The following SOX5 variants were observed in gnomAD, a reference collection of about 807,000 sequenced individuals.
SOX5 encodes SRY-box transcription factor 5, also known as transcription factor SOX-5.
Under a neutral mutation model 92.0 loss-of-function variants are expected in SOX5, and 9 were observed. The observed-to-expected ratio is 0.10, with a 90% CI of 0.06 to 0.17. The LOEUF is 0.17. Ranked by LOEUF, SOX5 falls within the 10% of genes least tolerant of loss-of-function variation. SOX5 has a pLI of 1.00. For missense variants in SOX5, 642 were observed against 944.5 expected (o/e 0.68, Z 4.20); for synonymous variants, 344 against 336.3 (o/e 1.02, Z -0.25).
intron 4 of SOX5, among the ~76,000 whole-genome samples, chr12:23,967,820 G>T: frequency 6.6e-6 from 1 of 152,044 alleles, no homozygotes; most frequent in East Asian, 1.9e-4. Flanking sequence ...TTCTGGCTTT[G>T]GTGTTCCTAA....
intron 2 of SOX5, among the ~76,000 whole-genome samples, chr12:24,288,616 C>A (rs548941855): frequency 5.9e-5 from 9 of 152,048 alleles, no homozygotes; most frequent in Non-Finnish European, 1.2e-4. Flanking sequence ...TAAAGCGATG[C>A]AAATGGAGAA....
intron 4 of SOX5, among the ~76,000 whole-genome samples, chr12:24,013,488 C>T (rs1195145267): frequency 6.6e-6 from 1 of 152,108 alleles, no homozygotes; most frequent in African/African-American, 2.4e-5. Context: ...TTAATCTGTG[C>T]CATTGCCAAG....
chr12:23,872,401 C>A lies in SOX5; in HGVS notation c.270+23392G>T, dbSNP rs540370947. Among the ~76,000 whole-genome samples the A allele has an allele frequency of 9.9e-5, 15 of 151,968 alleles. No individual in the cohort carries two copies. In the East Asian group the frequency reaches 2.1e-3, roughly 22 times the overall value. On this transcript the variant is annotated intron_variant, in intron 2 of 14. Coordinates refer to ENST00000451604, the MANE Select transcript of SOX5 (RefSeq NM_006940.6). ...GACTAACAATTCTACGAGCTTTCAC[C>A]ATCAATACTCAAAAATACAAGCACA...
At chr12:23,797,300 G>A (rs1321297798) in intron 3 of SOX5, among the ~76,000 whole-genome samples, 1 of 151,956 alleles carries the variant, frequency 6.6e-6, no homozygotes, top group Non-Finnish European at 1.5e-5. Flanking sequence ...TCAAATACCT[G>A]CTTTAAATGT....
intron 3 of SOX5, among the ~76,000 whole-genome samples, chr12:24,215,049 A>T (rs1959058040): frequency 6.6e-6 from 1 of 152,092 alleles, no homozygotes; most frequent in Non-Finnish European, 1.5e-5. Flanking sequence ...ACAAAATCCA[A>T]CACCCTGCTT....
chr12:24,314,209 T>C (rs1013464457), intron 2 of SOX5, among the ~76,000 whole-genome samples: 1 of 152,140 alleles, frequency 6.6e-6, no homozygotes, highest in African/African-American at 2.4e-5. Context: ...TTTTAAATGA[T>C]AACAGTTCTT....
intron 4 of SOX5, among the ~76,000 whole-genome samples, chr12:24,098,684 A>C (rs1945720166): frequency 6.6e-6 from 1 of 152,152 alleles, no homozygotes; most frequent in African/African-American, 2.4e-5. Flanking sequence ...AAATGTGTAT[A>C]GTTTCTTTGC....
At chr12:23,633,312 G>A (rs925005946) in intron 8 of SOX5, among the ~76,000 whole-genome samples, 10 of 151,956 alleles carry the variant, frequency 6.6e-5, no homozygotes, top group South Asian at 4.1e-4. Flanking sequence ...AAATTATAAC[G>A]AAAATGAATA....
intron 1 of SOX5, among the ~76,000 whole-genome samples, chr12:24,375,174 C>T (rs1458553859): frequency 4.0e-5 from 6 of 151,566 alleles, no homozygotes; most frequent in African/African-American, 1.2e-4. Flanking sequence ...GGGGTTTCAC[C>T]GTGTTAGCCA....
rs575388113 is a variant in SOX5 at position 24,136,840 on chromosome 12, T to C, written c.-2+76503A>G. On this transcript the variant is annotated intron_variant, in intron 4 of 4. Transcript: ENST00000446891. ...TTGTTTTTGCTTTTGTTTCTAAATATGTATGCTATCTGTTGTATTCAGACT... is the reference window on the plus strand; with the variant it reads ...TTGTTTTTGCTTTTGTTTCTAAATACGTATGCTATCTGTTGTATTCAGACT... 5.3e-5 allele frequency among the ~76,000 whole-genome samples: 8 copies of C among 152,362 alleles called. No homozygotes were observed. In the South Asian group the frequency reaches 1.7e-3, roughly 32 times the overall value.
intron 7 of SOX5, among the ~76,000 whole-genome samples, chr12:23,654,367 A>T (rs2082054851): frequency 6.6e-6 from 1 of 152,076 alleles, no homozygotes; most frequent in Non-Finnish European, 1.5e-5. Context: ...TGCACTTCCA[A>T]AGTCTTAAAA....
intron 4 of SOX5, among the ~76,000 whole-genome samples, chr12:24,100,163 C>T (rs1945915100): frequency 6.6e-6 from 1 of 152,168 alleles, no homozygotes; most frequent in South Asian, 2.1e-4. Flanking sequence ...GAATATCAAA[C>T]GTTCTGTTAT....
chr12:24,321,450 T>C (rs1440232698), intron 2 of SOX5, among the ~76,000 whole-genome samples: 1 of 152,240 alleles, frequency 6.6e-6, no homozygotes, highest in African/African-American at 2.4e-5. Flanking sequence ...ACATTTAACA[T>C]TCTAATTTGT....
intron 7 of SOX5, among the ~76,000 whole-genome samples, chr12:23,658,702 C>G (rs1272338551): frequency 6.6e-6 from 1 of 152,042 alleles, no homozygotes; most frequent in East Asian, 1.9e-4. Context: ...ACCAGGCTGG[C>G]CAACATGGTG....
intron 4 of SOX5, among the ~76,000 whole-genome samples, chr12:24,209,827 G>T (rs1398774331): frequency 6.6e-6 from 1 of 151,226 alleles, no homozygotes; most frequent in Non-Finnish European, 1.5e-5. Flanking sequence ...GACCATCCTG[G>T]CTAAAACGGT....
intron 1 of SOX5, among the ~76,000 whole-genome samples, chr12:23,912,472 A>G (rs2097362198): frequency 1.3e-5 from 2 of 152,204 alleles, no homozygotes; most frequent in South Asian, 4.1e-4. Context: ...TGACCTAGCA[A>G]TTCCCCTCCT....
chr12:24,509,512 C>T (rs1315942025), intron 1 of SOX5, among the ~76,000 whole-genome samples: 1 of 152,064 alleles, frequency 6.6e-6, no homozygotes, highest in Non-Finnish European at 1.5e-5. Flanking sequence ...GCCAGTATTT[C>T]ACAAATAAAT....
At chr12:23,968,895 T>C (rs927474780) in intron 4 of SOX5, among the ~76,000 whole-genome samples, 15 of 152,186 alleles carry the variant, frequency 9.9e-5, no homozygotes, top group African/African-American at 3.4e-4. Context: ...CCTCTCCCAC[T>C]AGGCAATTTT....
chr12:23,640,304 A>G (rs910865399), intron 8 of SOX5, among the ~76,000 whole-genome samples: 1 of 152,204 alleles, frequency 6.6e-6, no homozygotes, highest in African/African-American at 2.4e-5. Context: ...TGACTGGGAT[A>G]AAGTTGTGCT....
Sources: gnomAD v4.1 joint callset for allele counts (sites outside exome capture counted in the v4.1 genomes callset) on GRCh38, gnomAD v4.1.1 for gene constraint, MANE v1.5 for transcripts, NCBI Gene and HGNC (gene_info 2026-07-23, HGNC 2026-07-21) for gene names.